NOX3: variants seen among roughly 807,000 people sequenced by gnomAD.
NOX3 encodes NADPH oxidase 3.
NOX3 carries 74 observed loss-of-function variants against 76.7 expected under a neutral mutation model. That is an observed-to-expected ratio of 0.96 (90% CI 0.80 to 1.17). The LOEUF (loss-of-function observed/expected upper bound fraction) is 1.17, where lower values mean the gene tolerates loss of function less well. Ranked by LOEUF, NOX3 falls within the 50% of genes most tolerant of loss-of-function variation. The probability of loss-of-function intolerance (pLI) is 0.00; values close to 1 mark genes in which losing one functional copy is unlikely to be tolerated. For synonymous variants in NOX3, 263 were observed against 261.1 expected (o/e 1.01, Z -0.07); for missense variants, 695 against 703.3 (o/e 0.99, Z 0.13).
rs1222361776 is a variant in NOX3 at position 155,418,453 on chromosome 6, G to C, written c.1308+4241C>G. Among the ~76,000 whole-genome samples the C allele has an allele frequency of 3.9e-5, 6 of 152,218 alleles. No individual in the cohort carries two copies. In the East Asian group the frequency reaches 1.2e-3, roughly 29 times the overall value. The stretch of plus-strand genomic sequence containing the variant: ...TCAGTGAAGTTTGGCTCTTACTTCT[G>C]CGTTGAAAATATTTCTTTCATGTAT... On this transcript the variant is annotated intron_variant, in intron 10 of 13. Transcript: ENST00000159060.
intron 12 of NOX3, among the ~76,000 whole-genome samples, chr6:155,400,731 G>A (rs146840870): frequency 6.6e-6 from 1 of 151,158 alleles, no homozygotes; most frequent in East Asian, 1.9e-4. Context: ...AGTTGCTCAT[G>A]AGTTGCTGCA....
chr6:155,423,615 T>A (rs1776718943), intron 9 of NOX3, among the ~76,000 whole-genome samples: 1 of 152,216 alleles, frequency 6.6e-6, no homozygotes, highest in South Asian at 2.1e-4. Flanking sequence ...GTTCTCACAC[T>A]GGTGAGATAT....
Position 155,430,935 on chromosome 6 carries a change from C to A in NOX3, c.799G>T (p.Ala267Ser). The change falls in exon 8 of 14, where the codon GCT becomes TCT. Residue 267 changes from alanine (A) to serine (S), a missense_variant and splice_region_variant. By Grantham distance (99) the Ala-to-Ser change is moderately conservative. Coordinates refer to ENST00000159060, the MANE Select transcript of NOX3 (RefSeq NM_015718.3). ...VPQFSGKEPS[A>S]WKWILGPVVL... Reference sequence around the variant, plus strand: ...ACAGGGCCTAAAATCCATTTCCAAGCCTGAAGAGAGTAGCAGAGAGAGAGA... The same window carrying A: ...ACAGGGCCTAAAATCCATTTCCAAGACTGAAGAGAGTAGCAGAGAGAGAGA... 2 of 1,585,372 alleles carry A rather than the reference C, an allele frequency of 1.3e-6. No individual in the cohort carries two copies. The highest frequency in any genetic ancestry group is 1.3e-5 in the African/African-American group (1 of 74,278).
At chr6:155,451,533 C>T (rs11156022) in intron 4 of NOX3, among the ~76,000 whole-genome samples, 21,447 of 152,120 alleles carry the variant, frequency 0.14, 1,612 homozygotes, top group Admixed American at 0.2. Context: ...TATTGATACA[C>T]GATTACATAT....
chr6:155,409,399 T>C (rs185388122), intron 11 of NOX3, among the ~76,000 whole-genome samples: 123 of 152,232 alleles, frequency 8.1e-4, no homozygotes, highest in African/African-American at 2.8e-3. Context: ...GGAAGGGTCT[T>C]AAGGTCCTTG....
At position 155,443,302 on chromosome 6, in the gene NOX3, A is replaced by G. The variant is rs1208734061; in HGVS notation, c.457T>C (p.Tyr153His). ...SKLGNTPNESYLNPVRTFPTN... is the reference protein window; with the variant it reads ...SKLGNTPNESHLNPVRTFPTN... ...GGGAAGGTCCGGACAGGGTTGAGGT[A>G]GCTCTCGTTAGGGGTGTTGCCCAGC... is the stretch of plus-strand genomic sequence containing the variant. The change falls in exon 5 of 14, where the codon TAC (tyrosine) becomes CAC (histidine). Residue 153 changes from tyrosine to histidine, a missense_variant. By Grantham distance (83) the Tyr-to-His change is moderately conservative (BLOSUM62 2). Transcript: ENST00000159060. The G allele has an allele frequency of 1.2e-6, 2 of 1,613,974 alleles. No individual in the cohort carries two copies. Among genetic ancestry groups the G allele is most frequent in the Non-Finnish European group, 1.7e-6 (2 of 1,179,966 alleles).
chr6:155,454,202 C>A (rs1401219750), intron 3 of NOX3, among the ~76,000 whole-genome samples: 3 of 152,108 alleles, frequency 2.0e-5, no homozygotes, highest in Non-Finnish European at 4.4e-5. Flanking sequence ...TTTGTAAAAA[C>A]CATAGTATCT....
chr6:155,403,732 T>C lies in NOX3; in HGVS notation c.1580+3398A>G, dbSNP rs142817179. On this transcript the variant is annotated intron_variant, in intron 12 of 13. Transcript: ENST00000159060. ...TACTCTTTACTCCCTGCGAAAAAAT[T>C]GGACAGGCCCACTTCTCAGCACTGA... 1.5e-4 allele frequency among the ~76,000 whole-genome samples: 23 copies of C among 152,272 alleles called. No individual in the cohort carries two copies. In the East Asian group the frequency reaches 4.4e-3, roughly 29 times the overall value.
At chr6:155,442,003 G>C (rs576880445) in intron 5 of NOX3, among the ~76,000 whole-genome samples, 1 of 152,126 alleles carries the variant, frequency 6.6e-6, no homozygotes, top group East Asian at 1.9e-4. Context: ...GGTGGCTCAC[G>C]CCTGTAATCC....
rs1776907533 is a variant in NOX3 at position 155,436,584 on chromosome 6, A to C, written c.669-37T>G. 11 of 1,611,312 alleles carry C rather than the reference A, an allele frequency of 6.8e-6. No homozygotes were observed. The Admixed American group carries it at 1.8e-4, about 27-fold the overall frequency. On this transcript the variant is annotated intron_variant, in intron 6 of 13. Coordinates refer to ENST00000159060, the MANE Select transcript of NOX3 (RefSeq NM_015718.3). ...AGAAAAGCAAAACAAAACAAAAAGC[A>C]AAAAACGTCAAACTGATTTTGAGCA...
At chr6:155,397,083 A>C (rs1779149505) in intron 12 of NOX3, 121 bp from the exon 13 acceptor site, 1 of 947,168 alleles carries the variant, frequency 1.1e-6, no homozygotes, top group Non-Finnish European at 1.5e-6. Context: ...TTCTCCCTCC[A>C]TGTCGTTTTT....
chr6:155,440,387 G>T (rs6932514), intron 5 of NOX3, among the ~76,000 whole-genome samples: 1 of 151,372 alleles, frequency 6.6e-6, no homozygotes, highest in East Asian at 1.9e-4. Flanking sequence ...CTAAAATTTC[G>T]TAAAATACCA....
At chr6:155,400,509 G>C (rs2114673339) in intron 12 of NOX3, among the ~76,000 whole-genome samples, 1 of 152,270 alleles carries the variant, frequency 6.6e-6, no homozygotes, top group South Asian at 2.1e-4. Context: ...TCAGACAATG[G>C]ACACAACTTC....
At chr6:155,407,291 A>C in intron 11 of NOX3, 37 bp from the exon 12 acceptor site, 11 of 1,560,942 alleles carry the variant, frequency 7.0e-6, no homozygotes, top group Non-Finnish European at 8.7e-6. Context: ...ACATTTAGAA[A>C]AAAAAAATAA....
intron 10 of NOX3, among the ~76,000 whole-genome samples, chr6:155,418,884 GT>G (rs1305765208): frequency 6.6e-6 from 1 of 152,272 alleles, no homozygotes; most frequent in East Asian, 1.9e-4. Flanking sequence ...GCCAACCAGT[GT>G]TTTTACACAT....
Position 155,426,984 on chromosome 6 carries a change from C to CGTGTGTGT in NOX3, c.1145+1802_1145+1809dup, listed in dbSNP as rs764029957. Among the ~76,000 whole-genome samples the CGTGTGTGT allele has an allele frequency of 5.6e-3, 234 of 41,892 alleles. 6 individuals carry two copies. Among genetic ancestry groups the CGTGTGTGT allele is most frequent in the East Asian group, 0.038 (24 of 624 alleles). The allele number at this position is 41,892 out of a possible 152,430, so 27.5% of individuals were successfully genotyped here. A position where few individuals can be genotyped will look rare whatever the true frequency, so the allele number is the denominator to read the frequency against. ...CCGAGAAAGCAGTTAGACACTGTGG[C>CGTGTGTGT]GTGTGTGTGTGTGTGTGTGTGTGTG... On this transcript the variant is annotated intron_variant, in intron 9 of 13. Coordinates refer to ENST00000159060, the MANE Select transcript of NOX3 (RefSeq NM_015718.3).
intron 7 of NOX3, among the ~76,000 whole-genome samples, chr6:155,435,279 G>T (rs886512707): frequency 2.0e-5 from 3 of 152,058 alleles, no homozygotes; most frequent in African/African-American, 7.2e-5. Flanking sequence ...ATGAGGTGTG[G>T]GGGAGTATTG....
chr6:155,427,006 T>TGTGTGC, intron 9 of NOX3, among the ~76,000 whole-genome samples: 1 of 134,430 alleles, frequency 7.4e-6, no homozygotes, highest in South Asian at 2.9e-4. Flanking sequence ...TGTGTGTGTG[T>TGTGTGC]GTGTGTGTGT....
chr6:155,400,092 A>G (rs772680427), intron 12 of NOX3, among the ~76,000 whole-genome samples: 71 of 152,202 alleles, frequency 4.7e-4, no homozygotes, highest in African/African-American at 1.7e-3. Flanking sequence ...TTCCCTCTCT[A>G]TGTCTGCTAA....
Sources: allele counts gnomAD v4.1 joint callset (sites outside exome capture counted in the v4.1 genomes callset), GRCh38; gene constraint gnomAD v4.1.1; transcripts MANE v1.5; gene names NCBI Gene and HGNC (gene_info 2026-07-23, HGNC 2026-07-21).